ABCC6: variants seen among roughly 807,000 people sequenced by gnomAD.
The protein encoded by ABCC6 is ATP binding cassette subfamily C member 6, also known as ATP-binding cassette sub-family C member 6.
A neutral mutation model predicts 169.5 loss-of-function variants in ABCC6; 126 were observed. The observed-to-expected ratio is 0.74, with a 90% CI of 0.64 to 0.86. The LOEUF is 0.86. Among genes scored for constraint, ABCC6 ranks in the 40% least tolerant of loss-of-function variants. The pLI, the probability that ABCC6 is intolerant of heterozygous loss-of-function variation, is 0.00. For synonymous variants in ABCC6, 752 were observed against 814.7 expected (o/e 0.92, Z 1.31); for missense variants, 1,733 against 1,927.2 (o/e 0.90, Z 1.89).
Position 16,174,760 on chromosome 16 carries a change from A to G in ABCC6, c.2666+1151T>C, listed in dbSNP as rs116002649. Among the ~76,000 whole-genome samples, 7 of 94,632 alleles carry G rather than the reference A, an allele frequency of 7.4e-5. 1 individual carries two copies. The highest frequency in any genetic ancestry group is 6.9e-5 in the African/African-American group (2 of 29,188). 62.1% of individuals were successfully genotyped at this position (94,632 alleles called of 152,430 possible). ...CGACAGAGCAAGATTCTGTCTCAAA[A>G]CCCCCCCCCGCAAAAAACAAAAAAC... On this transcript the variant is annotated intron_variant, in intron 20 of 30. Coordinates refer to ENST00000205557, the MANE Select transcript of ABCC6 (RefSeq NM_001171.6).
intron 21 of ABCC6, among the ~76,000 whole-genome samples, chr16:16,171,568 GGGTA>G (rs1489067073): frequency 1.3e-5 from 2 of 152,288 alleles, no homozygotes; most frequent in African/African-American, 4.8e-5. Context: ...ATGAGCGGGT[GGGTA>G]GGTAGGTAGG....
intron 4 of ABCC6, among the ~76,000 whole-genome samples, chr16:16,216,332 C>T (rs2048873283): frequency 6.6e-6 from 1 of 151,326 alleles, no homozygotes; most frequent in African/African-American, 2.4e-5. Flanking sequence ...TTAACCATCC[C>T]CATTTCCCCC....
intron 22 of ABCC6, among the ~76,000 whole-genome samples, chr16:16,167,382 C>A (rs550516882): frequency 1.3e-5 from 2 of 152,348 alleles, no homozygotes; most frequent in East Asian, 3.9e-4. Context: ...TGGACCCCTA[C>A]ATCCAGCCAT....
intron 1 of ABCC6, among the ~76,000 whole-genome samples, chr16:16,222,602 A>T (rs1357031607): frequency 1.3e-5 from 2 of 150,698 alleles, no homozygotes; most frequent in Non-Finnish European, 3.0e-5. Context: ...CTGGTCTCGA[A>T]CTCCTGGTCT....
chr16:16,187,135 G>C lies in ABCC6; in HGVS notation c.1856C>G (p.Ser619Cys). Residue 619 changes from serine (S) to cysteine (C), a missense_variant, in exon 14 of 31, where the codon TCC becomes TGC. Around this residue, in one of 5 missense-constraint regions of ABCC6, gnomAD observed 1,601 missense variants for 1,635.5 expected, o/e 0.98. Transcript: ENST00000205557. ...EVDPGVVDSSSSGSAAGKDCI... is the reference protein window; with the variant it reads ...EVDPGVVDSSCSGSAAGKDCI... ...GACTCAGCACTCACCGCTTCCAGAG[G>C]AACTTGAGTCTACGACACCAGGGTC... The C allele has an allele frequency of 1.2e-6, 2 of 1,613,486 alleles. No individual in the cohort carries two copies. The highest frequency in any genetic ancestry group is 1.7e-6 in the Non-Finnish European group (2 of 1,179,656).
chr16:16,161,082 G>C (rs924123836), intron 25 of ABCC6, among the ~76,000 whole-genome samples: 1 of 152,218 alleles, frequency 6.6e-6, no homozygotes, highest in Non-Finnish European at 1.5e-5. Flanking sequence ...TCCAGCCTGA[G>C]TAAAAGAGAG....
At position 16,165,126 on chromosome 16, in the gene ABCC6, G is replaced by A. The variant is rs1199842447; in HGVS notation, c.3306+497C>T. Among the ~76,000 whole-genome samples the A allele has an allele frequency of 4.6e-5, 7 of 152,242 alleles. No homozygotes were observed. In the South Asian group the frequency reaches 1.2e-3, roughly 27 times the overall value. On this transcript the variant is annotated intron_variant, in intron 23 of 30. Coordinates refer to ENST00000205557, the MANE Select transcript of ABCC6 (RefSeq NM_001171.6). ...GCTCTGGCCCTTAATATTTAACTGT[G>A]CCGTGGGGCACAGGGGCTCATGCCC... is the stretch of plus-strand genomic sequence containing the variant.
chr16:16,187,025 A>G, intron 14 of ABCC6, 99 bp downstream of exon 14: 5 of 1,068,614 alleles, frequency 4.7e-6, no homozygotes, highest in East Asian at 2.6e-5. Context: ...CGCAGCCCCC[A>G]TCTCCCCCCA....
intron 29 of ABCC6, among the ~76,000 whole-genome samples, chr16:16,153,475 G>A (rs1034634961): frequency 6.6e-6 from 1 of 151,476 alleles, no homozygotes; most frequent in Non-Finnish European, 1.5e-5. Flanking sequence ...TCTATGCAGT[G>A]TCTAGAGTAG....
Position 16,154,798 on chromosome 16 carries a change from G to A in ABCC6, c.4042-4C>T, listed in dbSNP as rs2046488400. 1 of 1,608,740 alleles carries A rather than the reference G, an allele frequency of 6.2e-7. No individual in the cohort carries two copies. The highest frequency in any genetic ancestry group is 1.7e-4 in the Middle Eastern group (1 of 6,012). On this transcript the variant is annotated splice_region_variant and splice_polypyrimidine_tract_variant and intron_variant, in intron 28 of 30. Coordinates refer to ENST00000205557, the MANE Select transcript of ABCC6 (RefSeq NM_001171.6). ...AGCCAGGGAACAGGATGGGGTCCTG[G>A]CGGGGAGGGGCGGTGGGTCAGAGCC...
chr16:16,177,694 AC>A, intron 18 of ABCC6, 68 bp from the exon 19 acceptor site: 3 of 1,582,660 alleles, frequency 1.9e-6, no homozygotes, highest in African/African-American at 1.3e-5. Context: ...TGTAATCCCA[AC>A]ACTTTGGGAA....
chr16:16,164,070 G>C lies in ABCC6; in HGVS notation c.3307-878C>G, dbSNP rs547190434. Among the ~76,000 whole-genome samples the C allele has an allele frequency of 3.3e-5, 5 of 152,220 alleles. No individual in the cohort carries two copies. In the East Asian group the frequency reaches 7.7e-4, roughly 23 times the overall value. The stretch of plus-strand genomic sequence containing the variant: ...GTTTTTTGAGATGGAGTCTCTCTCT[G>C]TCACCCAGGCTGGAGTGCAGTGGTG... On this transcript the variant is annotated intron_variant, in intron 23 of 30. Coordinates refer to ENST00000205557, the MANE Select transcript of ABCC6 (RefSeq NM_001171.6).
At chr16:16,194,004 C>T (rs766719373) in intron 10 of ABCC6, among the ~76,000 whole-genome samples, 24 of 152,128 alleles carry the variant, frequency 1.6e-4, no homozygotes, top group Non-Finnish European at 2.2e-4. Flanking sequence ...CCCTCTTACA[C>T]GATAGGGAGA....
chr16:16,150,338 TA>T, intron 30 of ABCC6, 97 bp from the exon 31 acceptor site: 2 of 1,578,930 alleles, frequency 1.3e-6, no homozygotes, highest in Non-Finnish European at 1.7e-6. Flanking sequence ...GTTTTCTCCA[TA>T]GAAGTCCTGC....
chr16:16,219,428 A>C, intron 4 of ABCC6, 126 bp downstream of exon 4: 1 of 616,912 alleles, frequency 1.6e-6, no homozygotes, highest in South Asian at 1.9e-5. Context: ...CTAGAGTGTA[A>C]GTGACTGGCT....
At position 16,202,103 on chromosome 16, in the gene ABCC6, G is replaced by A. The variant is rs139317080; in HGVS notation, c.1074C>T (p.Leu358=). The A allele has an allele frequency of 2.2e-5, 36 of 1,613,890 alleles. No individual in the cohort carries two copies. The African/African-American group carries it at 4.5e-4, about 20-fold the overall frequency. The change falls in exon 9 of 31, where the codon CTC becomes CTT. Residue 358 remains leucine (L), a synonymous_variant. Coordinates refer to ENST00000205557, the MANE Select transcript of ABCC6 (RefSeq NM_001171.6). ...KGYLLAVLMF[L]SACLQTLFEQ... The stretch of plus-strand genomic sequence containing the variant: ...CAAACAGCGTTTGCAGGCAGGCTGA[G>A]AGGAACATCAGCACGGCGAGGAGGT...
chr16:16,195,743 G>C (rs2048017538), intron 10 of ABCC6, among the ~76,000 whole-genome samples: 2 of 152,136 alleles, frequency 1.3e-5, no homozygotes, highest in Admixed American at 1.3e-4. Flanking sequence ...AGCCCTGTCT[G>C]AGTGCCTTAT....
At chr16:16,152,060 C>T (rs183125984) in intron 29 of ABCC6, among the ~76,000 whole-genome samples, 38 of 151,710 alleles carry the variant, frequency 2.5e-4, no homozygotes, top group East Asian at 2.1e-3. Flanking sequence ...GGCGTGGTGG[C>T]GGGCGCTTGT....
intron 14 of ABCC6, 78 bp from the exon 15 acceptor site, chr16:16,185,112 T>G: frequency 7.6e-7 from 1 of 1,315,844 alleles, no homozygotes; most frequent in Non-Finnish European, 1.1e-6. Flanking sequence ...CCAGGCACCA[T>G]CCCCCGCCCC....
Sources: gnomAD v4.1 joint callset for allele counts (sites outside exome capture counted in the v4.1 genomes callset) on GRCh38, gnomAD v4.1.1 for gene constraint, gnomAD v4.1.1 regional missense constraint, MANE v1.5 for transcripts, NCBI Gene and HGNC (gene_info 2026-07-23, HGNC 2026-07-21) for gene names.